Variants in MYOCD observed in about 807,000 individuals in gnomAD.
MYOCD encodes myocardin.
MYOCD carries 32 observed loss-of-function variants against 96.1 expected under a neutral mutation model. The observed-to-expected ratio is 0.33, with a 90% CI of 0.25 to 0.45. MYOCD has a LOEUF of 0.45. MYOCD is among the 20% of genes least tolerant of loss of function. The pLI, the probability that MYOCD is intolerant of heterozygous loss-of-function variation, is 1.00. For missense variants in MYOCD, 1,133 were observed against 1,200.6 expected (o/e 0.94, Z 0.83); for synonymous variants, 469 against 469.0 (o/e 1.00, Z 0.00).
At chr17:12,677,534 A>T (rs1910148360) in intron 1 of MYOCD, among the ~76,000 whole-genome samples, 1 of 151,978 alleles carries the variant, frequency 6.6e-6, no homozygotes, top group South Asian at 2.1e-4. Context: ...AACACAGTGA[A>T]ACCCCATCTC....
chr17:12,763,496 T>C lies in MYOCD; in HGVS notation c.2813T>C (p.Met938Thr). ...LSFTESPWET[M>T]EWLDLTPPNS... ...TTCACTGAATCTCCCTGGGAAACCA[T>C]GGAGTGGCTGGACCTCACTCCGCCA... The change falls in exon 14 of 14, where the codon ATG becomes ACG. Residue 938 changes from methionine (M) to threonine (T), a missense_variant. Met to Thr is a moderately conservative substitution (Grantham distance 81, BLOSUM62 -1). Coordinates refer to ENST00000425538, the MANE Select transcript of MYOCD (RefSeq NM_001146312.3). 1.2e-6 allele frequency: 2 copies of C among 1,614,204 alleles called. No individual in the cohort carries two copies. Among genetic ancestry groups the C allele is most frequent in the Middle Eastern group, 1.6e-4 (1 of 6,062 alleles).
At chr17:12,729,303 A>G (rs762159872) in intron 5 of MYOCD, among the ~76,000 whole-genome samples, 1 of 152,132 alleles carries the variant, frequency 6.6e-6, no homozygotes, top group Non-Finnish European at 1.5e-5. Context: ...GGGCAAGAGA[A>G]TCAGGGAGCT....
At position 12,763,125 on chromosome 17, in the gene MYOCD, G is replaced by C. The variant is rs2033229717; in HGVS notation, c.2442G>C (p.Lys814Asn). ...EDHSCLQKVP[K>N]IPRSSRSPTA... The stretch of plus-strand genomic sequence containing the variant: ...ACTCATGTCTTCAAAAAGTCCCAAA[G>C]ATACCCAGATCTTCCCGAAGTCCAA... The change falls in exon 14 of 14, where the codon AAG (lysine) becomes AAC (asparagine). Residue 814 changes from lysine (K) to asparagine (N), a missense_variant. Lys to Asn is a moderately conservative substitution (Grantham distance 94, BLOSUM62 0). Coordinates refer to ENST00000425538, the MANE Select transcript of MYOCD (RefSeq NM_001146312.3). The C allele has an allele frequency of 6.2e-7, 1 of 1,613,922 alleles. No individual in the cohort carries two copies. Among genetic ancestry groups the C allele is most frequent in the South Asian group, 1.1e-5 (1 of 91,052 alleles).
chr17:12,738,402 T>G, intron 6 of MYOCD, among the ~76,000 whole-genome samples: 1 of 152,126 alleles, frequency 6.6e-6, no homozygotes, highest in Non-Finnish European at 1.5e-5. Flanking sequence ...CTTTACAGAC[T>G]CTACCTCTGG....
chr17:12,688,691 C>T (rs1046198734), intron 1 of MYOCD, among the ~76,000 whole-genome samples: 2 of 149,004 alleles, frequency 1.3e-5, no homozygotes, highest in African/African-American at 2.5e-5. Context: ...TCCTTCCTTC[C>T]TTCCTCCCTT....
intron 5 of MYOCD, among the ~76,000 whole-genome samples, chr17:12,724,878 G>A (rs1362841876): frequency 6.6e-6 from 1 of 152,014 alleles, no homozygotes; most frequent in Non-Finnish European, 1.5e-5. Context: ...TATTTTAAGT[G>A]AAAATTAGAA....
chr17:12,717,158 TTCTTA>T (rs1441840605), intron 3 of MYOCD, among the ~76,000 whole-genome samples, 183 bp from the exon 4 acceptor site: 2 of 152,194 alleles, frequency 1.3e-5, no homozygotes. Context: ...GCTCTTTACC[TTCTTA>T]TCTTATTTTC....
In MYOCD at chr17:12,763,641, G is replaced by A; in HGVS notation, c.2958G>A (p.Trp986Ter). Residue 986 changes from tryptophan (W) to a stop codon, truncating the protein, a stop_gained, in exon 14 of 14, where the codon TGG (tryptophan) becomes TGA (stop). Coordinates refer to ENST00000425538, the MANE Select transcript of MYOCD (RefSeq NM_001146312.3). LOFTEE classifies it high-confidence loss of function. The stretch of plus-strand genomic sequence containing the variant: ...CCATGGACCTTCACTTGCAGCAGTG[G>A]TAGAATGCCCAATGCACCAGTGCTA... ...NSSMDLHLQQW is the reference protein window; with the variant it reads ...NSSMDLHLQQ 3 of 1,606,918 alleles carry A rather than the reference G, an allele frequency of 1.9e-6. No individual in the cohort carries two copies. The highest frequency in any genetic ancestry group is 2.6e-6 in the Non-Finnish European group (3 of 1,176,184).
chr17:12,721,074 G>T (rs1053832183), intron 4 of MYOCD, among the ~76,000 whole-genome samples: 4 of 147,948 alleles, frequency 2.7e-5, no homozygotes, highest in African/African-American at 5.0e-5. Context: ...TTTTCCTGAA[G>T]CCTTCATTTT....
At chr17:12,683,606 A>G (rs932199791) in intron 1 of MYOCD, among the ~76,000 whole-genome samples, 3 of 152,190 alleles carry the variant, frequency 2.0e-5, no homozygotes, top group African/African-American at 7.2e-5. Flanking sequence ...GTTGTTAAGT[A>G]GAACTGGAAG....
chr17:12,724,771 T>C (rs1171797956), intron 5 of MYOCD, among the ~76,000 whole-genome samples: 1 of 152,092 alleles, frequency 6.6e-6, no homozygotes, highest in African/African-American at 2.4e-5. Context: ...TATCACAATT[T>C]TATGATCTAT....
chr17:12,668,545 G>A (rs1909497419), intron 1 of MYOCD, among the ~76,000 whole-genome samples: 1 of 152,034 alleles, frequency 6.6e-6, no homozygotes, highest in Admixed American at 6.5e-5. Context: ...TCGTGATTAA[G>A]GACAAAATTG....
intron 12 of MYOCD, among the ~76,000 whole-genome samples, chr17:12,758,838 C>T (rs928744067): frequency 1.3e-5 from 2 of 152,278 alleles, no homozygotes; most frequent in Middle Eastern, 3.4e-3. Flanking sequence ...CACCTGAGGT[C>T]AGGAGTTTGA....
intron 1 of MYOCD, among the ~76,000 whole-genome samples, chr17:12,668,227 T>C (rs1014103359): frequency 6.6e-6 from 1 of 152,228 alleles, no homozygotes; most frequent in Non-Finnish European, 1.5e-5. Flanking sequence ...TCTCTCTCTT[T>C]CACTGTTTTC....
chr17:12,698,729 C>CTTTTTT lies in MYOCD; in HGVS notation c.56-6375_56-6370dup, dbSNP rs55758881. ...GAAATTTTGTCTCCTACCAGACCCT[C>CTTTTTT]TTTTTTTTTTTTTTTTTTTTTTTTT... On this transcript the variant is annotated intron_variant, in intron 1 of 13. Transcript: ENST00000425538. Among the ~76,000 whole-genome samples, 13 of 64,136 alleles carry CTTTTTT rather than the reference C, an allele frequency of 2.0e-4. 1 individual carries two copies. Among genetic ancestry groups the CTTTTTT allele is most frequent in the South Asian group, 8.9e-4 (1 of 1,124 alleles). The allele number at this position is 64,136 out of a possible 152,430, so 42.1% of individuals were successfully genotyped here.
rs753540201 is a variant in MYOCD, at chr17:12,753,271, G to A, written c.1983G>A (p.Leu661=). The part of the protein sequence containing the change: ...LPPSPNNPHF[L]PSSSGAQGEG... The stretch of plus-strand genomic sequence containing the variant: ...CATCACCCAACAACCCTCACTTTCT[G>A]CCCTCATCCTCCGGGGCCCAGGGAG... The change falls in exon 10 of 14, where the codon CTG becomes CTA. Residue 661 remains leucine (L), a synonymous_variant. Transcript: ENST00000425538. The A allele has an allele frequency of 1.2e-6, 2 of 1,614,046 alleles. No homozygotes were observed. Among genetic ancestry groups the A allele is most frequent in the Non-Finnish European group, 1.7e-6 (2 of 1,179,976 alleles).
chr17:12,703,594 G>T (rs1457503993), intron 1 of MYOCD, among the ~76,000 whole-genome samples: 1 of 151,906 alleles, frequency 6.6e-6, no homozygotes, highest in Non-Finnish European at 1.5e-5. Context: ...ACATTAATCT[G>T]CTCCACTTCA....
intron 11 of MYOCD, 82 bp from the exon 12 acceptor site, chr17:12,758,003 T>G (rs1251370477): frequency 2.6e-6 from 3 of 1,142,242 alleles, no homozygotes; most frequent in African/African-American, 1.6e-5. Flanking sequence ...TTTCCAAAAT[T>G]TAGCCTGTTG....
intron 7 of MYOCD, 95 bp downstream of exon 7, chr17:12,739,423 G>A: frequency 7.1e-7 from 1 of 1,403,776 alleles, no homozygotes; most frequent in Non-Finnish European, 9.4e-7. Flanking sequence ...ACAACACGAG[G>A]AGAGTTACAC....
Sources: allele counts gnomAD v4.1 joint callset (sites outside exome capture counted in the v4.1 genomes callset), GRCh38; gene constraint gnomAD v4.1.1; transcripts MANE v1.5; gene names NCBI Gene and HGNC (gene_info 2026-07-23, HGNC 2026-07-21).